The following PI4K2A variants were observed in gnomAD, a reference collection of about 807,000 sequenced individuals.
PI4K2A encodes the protein phosphatidylinositol 4-kinase type 2-alpha.
A neutral mutation model predicts 55.0 loss-of-function variants in PI4K2A; 20 were observed. The ratio of observed to expected loss-of-function variants is 0.36; its 90% CI spans 0.26 to 0.53. PI4K2A has a LOEUF of 0.53. Among genes scored for constraint, PI4K2A ranks in the 20% least tolerant of loss-of-function variants. The probability of loss-of-function intolerance (pLI) is 0.91; values close to 1 mark genes in which losing one functional copy is unlikely to be tolerated. For synonymous variants in PI4K2A, 235 were observed against 258.5 expected, an observed-to-expected ratio of 0.91 and a Z score of 0.87; for missense variants, 463 against 637.1, an observed-to-expected ratio of 0.73 and a Z score of 2.94.
intron 5 of PI4K2A, among the ~76,000 whole-genome samples, chr10:97,663,355 T>G (rs575729197): frequency 6.6e-6 from 1 of 152,188 alleles, no homozygotes; most frequent in South Asian, 2.1e-4. Context: ...CCACAGAACA[T>G]AAGTTTAGAA....
chr10:97,648,173 G>A (rs1429494488), intron 1 of PI4K2A, among the ~76,000 whole-genome samples: 6 of 147,302 alleles, frequency 4.1e-5, no homozygotes, highest in African/African-American at 1.5e-4. Context: ...GGCTCACTGC[G>A]ACCTCCACCT....
chr10:97,656,363 G>C lies in PI4K2A; in HGVS notation c.715G>C (p.Glu239Gln). 1 of 1,613,974 alleles carries C rather than the reference G, an allele frequency of 6.2e-7. No individual in the cohort carries two copies. ...GTCCAGGGGCAAGCGGCTTGCACTA[G>C]AGAAAGTGCCAAAAGTTGGACAGCG... is the stretch of plus-strand genomic sequence containing the variant. Residue 239 changes from glutamate to glutamine, a missense_variant, in exon 3 of 9, where the codon GAG (glutamate) becomes CAG (glutamine). Physicochemically the swap from Glu to Gln is conservative, Grantham distance 29. Transcript: ENST00000370631. This position sits in a 1 kb window ranked among gnomAD's most constrained non-coding sequence, Gnocchi z 4.5.
intron 1 of PI4K2A, among the ~76,000 whole-genome samples, chr10:97,642,869 CT>C (rs2041482643): frequency 1.1e-5 from 1 of 93,376 alleles, no homozygotes; most frequent in African/African-American, 4.8e-5. Context: ...CTTTCTTTTT[CT>C]TTCTTTCTTT....
rs2041593437 is a variant in PI4K2A, at chr10:97,663,018, A to G, written c.984+50A>G. 5 of 1,181,208 alleles carry G rather than the reference A, an allele frequency of 4.2e-6. No individual in the cohort carries two copies. In the South Asian group the frequency reaches 6.1e-5, roughly 14 times the overall value. 73.2% of individuals were successfully genotyped at this position (1,181,208 alleles called of 1,614,324 possible). A position where few individuals can be genotyped will look rare whatever the true frequency, so the allele number is the denominator to read the frequency against. On this transcript the variant is annotated intron_variant, in intron 5 of 8. Coordinates refer to ENST00000370631, the Ensembl canonical transcript of PI4K2A. ...AGAGAATGAAGAGTATTTGCATAATATAGAAACACATAAAATGGTCAGAGA... is the reference window on the plus strand; with the variant it reads ...AGAGAATGAAGAGTATTTGCATAATGTAGAAACACATAAAATGGTCAGAGA...
chr10:97,649,608 G>GTTT (rs1564773648), intron 1 of PI4K2A, among the ~76,000 whole-genome samples: 2 of 73,912 alleles, frequency 2.7e-5, no homozygotes, highest in African/African-American at 4.1e-5. Flanking sequence ...TTCCATAATA[G>GTTT]ATTTTTTTTT....
intron 4 of PI4K2A, among the ~76,000 whole-genome samples, chr10:97,657,413 CT>C (rs1486864245): frequency 6.6e-6 from 1 of 152,034 alleles, no homozygotes; most frequent in African/African-American, 2.4e-5. Context: ...CATGCGTGTA[CT>C]CCCAGCACTT....
chr10:97,672,949 G>A (rs1282470572), intron 8 of PI4K2A, among the ~76,000 whole-genome samples: 2 of 149,052 alleles, frequency 1.3e-5, no homozygotes, highest in Non-Finnish European at 3.0e-5. Flanking sequence ...GCCAGGTTAG[G>A]ATCTGTTCAT....
At chr10:97,642,846 C>CTTTCT (rs1491514308) in intron 1 of PI4K2A, among the ~76,000 whole-genome samples, 1 of 59,262 alleles carries the variant, frequency 1.7e-5, no homozygotes, top group Non-Finnish European at 3.5e-5. Flanking sequence ...TTCCTTCCTT[C>CTTTCT]CTTCCTTTCT....
intron 8 of PI4K2A, among the ~76,000 whole-genome samples, chr10:97,670,275 T>C (rs553473538): frequency 6.6e-6 from 1 of 152,334 alleles, no homozygotes; most frequent in South Asian, 2.1e-4. Context: ...TAAAAAATAA[T>C]TTTTCTTTTT....
chr10:97,673,877 T>C, exon 9 of PI4K2A: 1 of 735,504 alleles, frequency 1.4e-6, no homozygotes, highest in South Asian at 1.8e-5. Context: ...GCCACCCTGC[T>C]CAGAGCTTTC....
chr10:97,662,562 G>T (rs1369663879), intron 4 of PI4K2A, among the ~76,000 whole-genome samples: 2 of 152,150 alleles, frequency 1.3e-5, no homozygotes, highest in South Asian at 2.1e-4. Context: ...CTGGATTATA[G>T]TTTTTGTCTC....
At chr10:97,655,057 A>G (rs2041546201) in intron 2 of PI4K2A, among the ~76,000 whole-genome samples, 1 of 152,146 alleles carries the variant, frequency 6.6e-6, no homozygotes, top group East Asian at 1.9e-4. Context: ...TTGAATACGA[A>G]TAATTTCACA....
exon 9 of PI4K2A, chr10:97,674,546 C>T (rs564907668): frequency 1.3e-5 from 2 of 152,224 alleles, no homozygotes; most frequent in East Asian, 1.9e-4. Context: ...TAAAAGTGAT[C>T]CACGCAGCCG....
chr10:97,655,379 AAAAAAAAAAAATTTTTTTTC>A, intron 2 of PI4K2A, among the ~76,000 whole-genome samples: 1 of 150,804 alleles, frequency 6.6e-6, no homozygotes, highest in East Asian at 1.9e-4. Flanking sequence ...CAAAAAAAAA[AAAAAAAAAAAATTTTTTTTC>A]AAAAGGAAAT....
At chr10:97,674,759 A>G (rs779254811) in exon 9 of PI4K2A, 4 of 152,078 alleles carry the variant, frequency 2.6e-5, no homozygotes, top group South Asian at 2.1e-4. Flanking sequence ...AGGACAGGCT[A>G]TTAGGTTCTT....
At chr10:97,666,395 C>T (rs760386921) in intron 6 of PI4K2A, 43 bp from the exon 7 acceptor site, 3 of 1,596,462 alleles carry the variant, frequency 1.9e-6, no homozygotes. Flanking sequence ...TGAGCAGGGA[C>T]TTTTCCAACA....
intron 8 of PI4K2A, among the ~76,000 whole-genome samples, chr10:97,670,579 T>C (rs1378925602): frequency 2.0e-5 from 3 of 152,222 alleles, no homozygotes; most frequent in African/African-American, 4.8e-5. Context: ...TTTTAGTTCT[T>C]CACCCCAATA....
chr10:97,644,300 G>A (rs1427320107), intron 1 of PI4K2A, among the ~76,000 whole-genome samples: 1 of 152,116 alleles, frequency 6.6e-6, no homozygotes, highest in Non-Finnish European at 1.5e-5. Flanking sequence ...GCAGTGAGCC[G>A]AGATCGTACC....
At chr10:97,673,155 T>A (rs1408071733) in intron 8 of PI4K2A, among the ~76,000 whole-genome samples, 1 of 151,790 alleles carries the variant, frequency 6.6e-6, no homozygotes, top group East Asian at 1.9e-4. Context: ...GTCGGCTAAT[T>A]TTTTTTGGTA....
Sources: allele counts gnomAD v4.1 joint callset (sites outside exome capture counted in the v4.1 genomes callset), GRCh38; gene constraint gnomAD v4.1.1; non-coding constraint Gnocchi (gnomAD v3.1); transcripts MANE v1.5; gene names NCBI Gene and HGNC (gene_info 2026-07-23, HGNC 2026-07-21).